SHANK2: variants seen among roughly 807,000 people sequenced by gnomAD.
The protein encoded by SHANK2 is SH3 and multiple ankyrin repeat domains 2.
Under a neutral mutation model 133.7 loss-of-function variants are expected in SHANK2, and 43 were observed. The observed-to-expected ratio is 0.32, with a 90% CI of 0.25 to 0.41. SHANK2 has a LOEUF of 0.41. SHANK2 is among the 10% of genes least tolerant of loss of function. SHANK2 has a pLI of 1.00. For synonymous variants in SHANK2, 1,017 were observed against 952.8 expected (o/e 1.07, Z -1.24); for missense variants, 1,994 against 2,235.8 (o/e 0.89, Z 2.18).
At chr11:70,598,462 G>A (rs1554990014) in intron 17 of SHANK2, among the ~76,000 whole-genome samples, 1 of 152,138 alleles carries the variant, frequency 6.6e-6, no homozygotes, top group African/African-American at 2.4e-5. Context: ...AAAACATGAG[G>A]CCCAGATGGC....
intron 25 of SHANK2, among the ~76,000 whole-genome samples, chr11:70,480,139 G>A (rs180853737): frequency 6.6e-6 from 1 of 152,334 alleles, no homozygotes; most frequent in East Asian, 1.9e-4. Context: ...CAAGCCTCTT[G>A]TGACCTGGCC....
Position 70,804,281 on chromosome 11 carries a change from C to A in SHANK2, c.1663+2721G>T, listed in dbSNP as rs570387643. ...CCGCCCGCCTCTAAGCACTGCCATG[C>A]AGGCAGCAAGGATGTGCGGGCCACC... On this transcript the variant is annotated intron_variant, in intron 13 of 25. Transcript: ENST00000601538. The surrounding 1 kb of genome is among the most constrained non-coding windows in gnomAD (Gnocchi z 4.1). 6.6e-6 allele frequency among the ~76,000 whole-genome samples: 1 copy of A among 152,318 alleles called. No homozygotes were observed. Among genetic ancestry groups the A allele is most frequent in the East Asian group, 1.9e-4 (1 of 5,164 alleles).
At chr11:71,140,349 A>T (rs1952531410) in intron 3 of SHANK2, among the ~76,000 whole-genome samples, 1 of 152,232 alleles carries the variant, frequency 6.6e-6, no homozygotes, top group South Asian at 2.1e-4. Context: ...CTGTGGCTCC[A>T]TCCATCACTC....
chr11:71,221,515 T>G (rs78829505), intron 2 of SHANK2, among the ~76,000 whole-genome samples: 1,697 of 152,268 alleles, frequency 0.011, 28 homozygotes, highest in African/African-American at 0.039. Context: ...CATTAATCAT[T>G]AGGGGGTGCC....
chr11:70,650,325 C>T (rs1375909942), intron 17 of SHANK2, among the ~76,000 whole-genome samples: 2 of 152,220 alleles, frequency 1.3e-5, no homozygotes, highest in African/African-American at 4.8e-5. Context: ...TGCCCAGAAA[C>T]TCCAAGGACA....
rs553163850 is a variant in SHANK2 at position 70,590,565 on chromosome 11, G to A, written c.2061+69263C>T. Among the ~76,000 whole-genome samples, 14 of 152,236 alleles carry A rather than the reference G, an allele frequency of 9.2e-5. No homozygotes were observed. In the East Asian group the frequency reaches 1.4e-3, roughly 15 times the overall value. ...GTCACCCCAGCCTTCGGCAACCACC[G>A]CTCTCATCAGTCAGCAGCCATCAAC... On this transcript the variant is annotated intron_variant, in intron 17 of 25. Coordinates refer to ENST00000601538, the MANE Select transcript of SHANK2 (RefSeq NM_012309.5).
At chr11:70,646,183 C>T (rs960055281) in intron 17 of SHANK2, 3 of 152,220 alleles carry the variant, frequency 2.0e-5, no homozygotes, top group African/African-American at 4.8e-5. Context: ...AAACCCAGGA[C>T]ATTCAGTGTA....
intron 11 of SHANK2, among the ~76,000 whole-genome samples, chr11:70,853,001 G>A (rs1949112677): frequency 6.6e-6 from 1 of 152,060 alleles, no homozygotes; most frequent in Non-Finnish European, 1.5e-5. Flanking sequence ...GGGAAGTTCT[G>A]CAGAGCCCCA....
chr11:70,906,692 C>A (rs1950108920), intron 10 of SHANK2, among the ~76,000 whole-genome samples: 1 of 152,216 alleles, frequency 6.6e-6, no homozygotes, highest in Non-Finnish European at 1.5e-5. Flanking sequence ...TTATTTCAGA[C>A]TCCTGTGGCA....
intron 11 of SHANK2, among the ~76,000 whole-genome samples, chr11:70,870,593 TG>T (rs572658361): frequency 1.4e-4 from 22 of 151,956 alleles, no homozygotes; most frequent in Admixed American, 1.3e-3. Flanking sequence ...GTGTTGGCAG[TG>T]GGGGGGTTCA....
At chr11:71,238,402 C>T (rs782479861) in intron 1 of SHANK2, among the ~76,000 whole-genome samples, 1 of 152,216 alleles carries the variant, frequency 6.6e-6, no homozygotes, top group Admixed American at 6.5e-5. Flanking sequence ...TTATTTAATG[C>T]TCACAGCTAC....
chr11:70,827,151 C>T (rs1212102795), intron 11 of SHANK2, among the ~76,000 whole-genome samples: 5 of 151,992 alleles, frequency 3.3e-5, no homozygotes, highest in Admixed American at 3.3e-4. Context: ...TTTCTGAACA[C>T]GACCTATATT....
At chr11:70,898,131 TAAA>T (rs1214205520) in intron 10 of SHANK2, among the ~76,000 whole-genome samples, 3 of 151,272 alleles carry the variant, frequency 2.0e-5, no homozygotes, top group African/African-American at 7.3e-5. Context: ...TCTGGCTAAT[TAAA>T]AAAAAATTTT....
In SHANK2 at chr11:70,470,137, A is replaced by T. The variant is rs1565513891; in HGVS notation, c.*2732T>A. ...GGGAGAACAGTGGGTGGTGATTTGA[A>T]TGAGGAACTATTGCTTTCAGTACCA... is the stretch of plus-strand genomic sequence containing the variant. On this transcript the variant is annotated 3_prime_UTR_variant, in exon 26 of 26. Coordinates refer to ENST00000601538, the MANE Select transcript of SHANK2 (RefSeq NM_012309.5). 6.6e-6 allele frequency: 1 copy of T among 152,638 alleles called. No individual in the cohort carries two copies. The highest frequency in any genetic ancestry group is 1.5e-5 in the Non-Finnish European group (1 of 68,044). The allele number at this position is 152,638 out of a possible 1,614,324, so 9.5% of individuals were successfully genotyped here. A position where few individuals can be genotyped will look rare whatever the true frequency, so the allele number is the denominator to read the frequency against.
chr11:70,942,463 C>T (rs1950661204), intron 10 of SHANK2: 5 of 444,162 alleles, frequency 1.1e-5, no homozygotes, highest in South Asian at 8.2e-5. Flanking sequence ...GAGAACACCA[C>T]CAAGCTATTC....
At position 70,807,554 on chromosome 11, in the gene SHANK2, C is replaced by T. The variant is rs1396702694; in HGVS notation, c.1494-383G>A. On this transcript the variant is annotated intron_variant, in intron 12 of 25. Transcript: ENST00000601538. This position sits in a 1 kb window ranked among gnomAD's most constrained non-coding sequence, Gnocchi z 4.8. ...ATCAGGAATTAAACTCTGGGCCAGG[C>T]GTGGTGGGATCACATCTGTAATCCC... 3.3e-5 allele frequency among the ~76,000 whole-genome samples: 5 copies of T among 152,098 alleles called. No homozygotes were observed. Among genetic ancestry groups the T allele is most frequent in the Admixed American group, 1.3e-4 (2 of 15,274 alleles).
At position 70,502,818 on chromosome 11, in the gene SHANK2, G is replaced by A. The variant is rs546959614; in HGVS notation, c.2175C>T (p.Pro725=). ...TACCTTTCTTCCTGGCGGTGTCGTC[G>A]GGGTCCAGATTCCTGGTCACCGTGA... The part of the protein sequence containing the change: ...KVVTVTRNLD[P]DDTARKKAPP... The change falls in exon 18 of 26, where the codon CCC becomes CCT. Residue 725 remains proline, a synonymous_variant. Transcript: ENST00000601538. 5.2e-5 allele frequency: 84 copies of A among 1,609,476 alleles called. No homozygotes were observed. Among genetic ancestry groups the A allele is most frequent in the Admixed American group, 8.5e-5 (5 of 58,924 alleles).
intron 14 of SHANK2, among the ~76,000 whole-genome samples, chr11:70,780,687 C>T (rs782162169): frequency 9.9e-5 from 15 of 151,902 alleles, no homozygotes; most frequent in Admixed American, 3.3e-4. Flanking sequence ...ATTCTCCTGC[C>T]TCAGCCTCCC....
At chr11:70,835,232 A>G (rs1555059747) in intron 11 of SHANK2, among the ~76,000 whole-genome samples, 2 of 152,098 alleles carry the variant, frequency 1.3e-5, no homozygotes. Flanking sequence ...GGGGCGTGCA[A>G]TGGCTTACGG....
Sources: gnomAD v4.1 joint callset for allele counts (sites outside exome capture counted in the v4.1 genomes callset) on GRCh38, gnomAD v4.1.1 for gene constraint, Gnocchi (gnomAD v3.1) non-coding constraint, MANE v1.5 for transcripts, NCBI Gene and HGNC (gene_info 2026-07-23, HGNC 2026-07-21) for gene names.